STAB2: variants seen among roughly 807,000 people sequenced by gnomAD.
STAB2 encodes stabilin 2.
STAB2 carries 288 observed loss-of-function variants against 338.1 expected under a neutral mutation model. The observed-to-expected ratio is 0.85, with a 90% CI of 0.77 to 0.94. The LOEUF (loss-of-function observed/expected upper bound fraction) is 0.94. STAB2 is among the 40% of genes least tolerant of loss of function. The pLI is 0.00. For missense variants in STAB2, 3,141 were observed against 3,210.1 expected (o/e 0.98, Z 0.52); for synonymous variants, 1,202 against 1,193.3 (o/e 1.01, Z -0.15).
intron 34 of STAB2, among the ~76,000 whole-genome samples, chr12:103,700,418 G>C (rs1200122370): frequency 6.6e-6 from 1 of 152,264 alleles, no homozygotes; most frequent in Non-Finnish European, 1.5e-5. Context: ...TGTCACTACT[G>C]AATAACAAGT....
In STAB2 at chr12:103,700,786, G is replaced by T. The variant is rs75158868; in HGVS notation, c.3714+1559G>T. 4.6e-5 allele frequency among the ~76,000 whole-genome samples: 7 copies of T among 152,150 alleles called. No individual in the cohort carries two copies. The East Asian group carries it at 1.4e-3, about 29-fold the overall frequency. On this transcript the variant is annotated intron_variant, in intron 34 of 68. Transcript: ENST00000388887. ...CTAGAGAAAGAATTCATACAATAGA[G>T]GCTTTTATTGATAATTTACTTTCTC...
intron 68 of STAB2, among the ~76,000 whole-genome samples, chr12:103,765,098 A>C (rs1372795416): frequency 6.6e-6 from 1 of 151,648 alleles, no homozygotes; most frequent in African/African-American, 2.4e-5. Context: ...AAAAAAAAAA[A>C]AAAAAAAAAA....
chr12:103,628,944 C>T (rs538404943), intron 5 of STAB2, among the ~76,000 whole-genome samples: 1 of 152,288 alleles, frequency 6.6e-6, no homozygotes, highest in Non-Finnish European at 1.5e-5. Context: ...TTGCACAACC[C>T]TGTTTCACTC....
At chr12:103,738,994 G>A (rs1882365921) in intron 53 of STAB2, among the ~76,000 whole-genome samples, 1 of 152,004 alleles carries the variant, frequency 6.6e-6, no homozygotes, top group South Asian at 2.1e-4. Context: ...TTGTCGTCTT[G>A]AGATAGGGCC....
chr12:103,639,704 C>CAAAAAAAA (rs11449305), intron 8 of STAB2, among the ~76,000 whole-genome samples: 2 of 92,280 alleles, frequency 2.2e-5, no homozygotes, highest in African/African-American at 4.5e-5. Flanking sequence ...GACCCTGTCT[C>CAAAAAAAA]AAAAAAAAAA....
intron 38 of STAB2, among the ~76,000 whole-genome samples, chr12:103,708,084 C>T (rs1218515458): frequency 1.3e-5 from 2 of 152,132 alleles, no homozygotes; most frequent in Admixed American, 6.5e-5. Flanking sequence ...TCCTGAAGTC[C>T]ATTCTTAAGG....
At chr12:103,702,535 A>G (rs2138963738) in intron 34 of STAB2, among the ~76,000 whole-genome samples, 1 of 151,606 alleles carries the variant, frequency 6.6e-6, no homozygotes, top group South Asian at 2.1e-4. Flanking sequence ...TCCTGACCTC[A>G]TGATCCACCC....
intron 56 of STAB2, among the ~76,000 whole-genome samples, chr12:103,743,473 G>C (rs1363062344): frequency 6.6e-6 from 1 of 152,168 alleles, no homozygotes; most frequent in Non-Finnish European, 1.5e-5. Flanking sequence ...AGAATGAAAG[G>C]AGACATTGTT....
intron 15 of STAB2, chr12:103,657,490 G>C (rs1408796276): frequency 6.6e-6 from 1 of 152,092 alleles, no homozygotes; most frequent in East Asian, 1.9e-4. Flanking sequence ...TCCTTCCAGT[G>C]GTATCTGGAA....
At chr12:103,762,956 T>A (rs904139026) in intron 67 of STAB2, among the ~76,000 whole-genome samples, 1 of 152,222 alleles carries the variant, frequency 6.6e-6, no homozygotes, top group Non-Finnish European at 1.5e-5. Flanking sequence ...TCTTTCCTTA[T>A]GGACTTTGTC....
At chr12:103,759,303 A>G in intron 65 of STAB2, 30 bp downstream of exon 65, 1 of 1,608,844 alleles carries the variant, frequency 6.2e-7, no homozygotes, top group South Asian at 1.1e-5. Flanking sequence ...TCTTGGGGGA[A>G]CGGGAGATAA....
At chr12:103,751,289 A>T (rs1883626395) in intron 60 of STAB2, among the ~76,000 whole-genome samples, 1 of 152,142 alleles carries the variant, frequency 6.6e-6, no homozygotes. Context: ...CATGGCCAGG[A>T]GAGAATGATC....
intron 3 of STAB2, among the ~76,000 whole-genome samples, chr12:103,600,076 C>A (rs1393323083): frequency 6.6e-6 from 1 of 152,120 alleles, no homozygotes; most frequent in Non-Finnish European, 1.5e-5. Flanking sequence ...GATAATAATA[C>A]CTTCCTCATT....
At chr12:103,720,889 T>C (rs1387226464) in intron 44 of STAB2, among the ~76,000 whole-genome samples, 1 of 152,220 alleles carries the variant, frequency 6.6e-6, no homozygotes, top group Non-Finnish European at 1.5e-5. Flanking sequence ...TTCTTGCTCA[T>C]TGGTAGAAGG....
intron 18 of STAB2, 119 bp downstream of exon 18, chr12:103,663,117 C>G (rs1874766149): frequency 7.8e-7 from 1 of 1,287,394 alleles, no homozygotes; most frequent in Non-Finnish European, 1.1e-6. Flanking sequence ...AACCTTGTCC[C>G]CAAAGGGCTT....
intron 3 of STAB2, among the ~76,000 whole-genome samples, chr12:103,619,032 T>C (rs77334798): frequency 0.043 from 6,500 of 152,262 alleles, 278 homozygotes; most frequent in East Asian, 0.23. Context: ...CTTTGCTCTT[T>C]CTTTGTCTTC....
intron 2 of STAB2, among the ~76,000 whole-genome samples, 193 bp downstream of exon 2, chr12:103,591,223 G>A (rs1365515493): frequency 6.6e-6 from 1 of 152,112 alleles, no homozygotes. Flanking sequence ...GGTGGTTCAT[G>A]CCTGTAATCC....
chr12:103,629,922 T>C (rs1192464581), intron 5 of STAB2, among the ~76,000 whole-genome samples: 2 of 152,168 alleles, frequency 1.3e-5, no homozygotes, highest in Non-Finnish European at 2.9e-5. Context: ...GGAAGATGAA[T>C]AGTGAATGAA....
At chr12:103,695,257 G>T (rs1422700338) in intron 31 of STAB2, among the ~76,000 whole-genome samples, 2 of 152,172 alleles carry the variant, frequency 1.3e-5, no homozygotes, top group African/African-American at 2.4e-5. Flanking sequence ...ATGCGAGCTG[G>T]AATTAATTAC....
Sources: allele counts gnomAD v4.1 joint callset (sites outside exome capture counted in the v4.1 genomes callset), GRCh38; gene constraint gnomAD v4.1.1; transcripts MANE v1.5; gene names NCBI Gene and HGNC (gene_info 2026-07-23, HGNC 2026-07-21).